PRDM15: variants seen among roughly 807,000 people sequenced by gnomAD.
PRDM15 encodes PR domain zinc finger protein 15.
A neutral mutation model predicts 128.6 loss-of-function variants in PRDM15; 64 were observed. The ratio of observed to expected loss-of-function variants is 0.50; its 90% CI spans 0.41 to 0.61. The LOEUF (loss-of-function observed/expected upper bound fraction) is 0.61. Among genes scored for constraint, PRDM15 ranks in the 20% least tolerant of loss-of-function variants. The pLI is 0.00. For synonymous variants in PRDM15, 615 were observed against 621.8 expected, an observed-to-expected ratio of 0.99 and a Z score of 0.16; for missense variants, 1,242 against 1,569.1, an observed-to-expected ratio of 0.79 and a Z score of 3.52.
rs767338267 is a variant in PRDM15 at position 41,825,945 on chromosome 21, G to A, written c.1629+15C>T. 1 of 1,591,588 alleles carries A rather than the reference G, an allele frequency of 6.3e-7. No individual in the cohort carries two copies. The highest frequency in any genetic ancestry group is 8.6e-7 in the Non-Finnish European group (1 of 1,159,576). ...GCTTTCCATCTCAGCGTCCGACGTG[G>A]ACTGCGAGCATTACCTTGCCACACA... On this transcript the variant is annotated intron_variant, in intron 13 of 23. Coordinates refer to ENST00000398548, the MANE Select transcript of PRDM15 (RefSeq NM_001040424.3).
intron 1 of PRDM15, among the ~76,000 whole-genome samples, chr21:41,864,626 C>G (rs891269678): frequency 6.6e-6 from 1 of 151,972 alleles, no homozygotes; most frequent in Admixed American, 6.6e-5. Context: ...TACCTGCAGC[C>G]CCCCTTACTA....
intron 10 of PRDM15, among the ~76,000 whole-genome samples, chr21:41,835,751 C>A (rs189495658): frequency 1.2e-4 from 18 of 151,800 alleles, no homozygotes; most frequent in African/African-American, 4.1e-4. Context: ...ACCAAACACC[C>A]CCATTCTCCT....
At chr21:41,839,931 A>G (rs1278873941) in intron 6 of PRDM15, 78 bp from the exon 7 acceptor site, 5 of 1,196,612 alleles carry the variant, frequency 4.2e-6, no homozygotes, top group Admixed American at 4.0e-5. Flanking sequence ...TCTGGTTCCT[A>G]TGTGTGTGTG....
At chr21:41,816,090 C>T (rs544823590) in intron 18 of PRDM15, among the ~76,000 whole-genome samples, 68 of 152,368 alleles carry the variant, frequency 4.5e-4, no homozygotes, top group African/African-American at 1.5e-3. Context: ...CCTGACCACG[C>T]GAGCAACGCC....
Position 41,802,861 on chromosome 21 carries a change from G to A in PRDM15, c.2794C>T (p.Arg932Ter), listed in dbSNP as rs2061453289. Residue 932 changes from arginine (R) to a stop codon, truncating the protein, a stop_gained, in exon 23 of 24, where the codon CGA (arginine) becomes TGA (stop). Coordinates refer to ENST00000398548, the MANE Select transcript of PRDM15 (RefSeq NM_001040424.3). LOFTEE classifies it high-confidence loss of function. The stretch of plus-strand genomic sequence containing the variant: ...GGCTTCTGCTTTCTCTTGTGACTTC[G>A]CTTGGCAGCTTTCCCGTGCTTCCCT... ...AEGKHGKAAK[R>*]SHKRKQKPEE... The A allele has an allele frequency of 2.5e-6, 4 of 1,614,106 alleles. No individual in the cohort carries two copies. The highest frequency in any genetic ancestry group is 3.4e-6 in the Non-Finnish European group (4 of 1,180,022).
At chr21:41,855,612 G>A (rs116117533) in intron 4 of PRDM15, among the ~76,000 whole-genome samples, 1,781 of 152,246 alleles carry the variant, frequency 0.012, 43 homozygotes, top group African/African-American at 0.04. Flanking sequence ...CCCAGCTGGC[G>A]GCACGCTCTC....
At chr21:41,861,729 TCA>T (rs754137566) in intron 1 of PRDM15, 11 of 1,614,086 alleles carry the variant, frequency 6.8e-6, no homozygotes, top group South Asian at 5.5e-5. Flanking sequence ...ATATGGAAAC[TCA>T]CAGTCACTGA....
chr21:41,820,779 G>C (rs1027381525), intron 16 of PRDM15, among the ~76,000 whole-genome samples: 1 of 152,206 alleles, frequency 6.6e-6, no homozygotes, highest in African/African-American at 2.4e-5. Flanking sequence ...ATTGTTGCAG[G>C]AAAAAGCATT....
At chr21:41,869,901 G>A (rs2064151765) in intron 1 of PRDM15, among the ~76,000 whole-genome samples, 2 of 152,234 alleles carry the variant, frequency 1.3e-5, no homozygotes, top group South Asian at 4.1e-4. Context: ...CTCTGTCAAA[G>A]CCGGATGCCC....
chr21:41,834,895 G>A (rs1335962687), intron 11 of PRDM15, among the ~76,000 whole-genome samples: 2 of 152,208 alleles, frequency 1.3e-5, no homozygotes, highest in African/African-American at 4.8e-5. Context: ...CCGGCTTCAG[G>A]CCTCACACAA....
chr21:41,834,480 G>A (rs2146552065), intron 11 of PRDM15: 3 of 1,546,688 alleles, frequency 1.9e-6, no homozygotes, highest in African/African-American at 1.4e-5. Context: ...GGCGGACAAG[G>A]ACGGGGTGGG....
At chr21:41,833,946 C>T (rs886442290) in intron 11 of PRDM15, among the ~76,000 whole-genome samples, 3 of 152,170 alleles carry the variant, frequency 2.0e-5, no homozygotes, top group African/African-American at 7.2e-5. Flanking sequence ...TGCAGGACTG[C>T]GGGGACCCCA....
chr21:41,859,675 G>A lies in PRDM15; in HGVS notation c.48C>T (p.Asp16=). ...ATTCGGAGTCGTGGTACTGGCTGCA[G>A]TCTTCACACCCTGCAAGCAGACATC... The part of the protein sequence containing the change: ...SEEIMFIWCE[D]CSQYHDSECP... The change falls in exon 3 of 24, where the codon GAC becomes GAT. Residue 16 remains aspartate (D), a synonymous_variant. Transcript: ENST00000398548. This position sits in a 1 kb window ranked among gnomAD's most constrained non-coding sequence, Gnocchi z 5.3. 6.2e-7 allele frequency: 1 copy of A among 1,613,822 alleles called. No individual in the cohort carries two copies. Among genetic ancestry groups the A allele is most frequent in the Non-Finnish European group, 8.5e-7 (1 of 1,179,896 alleles).
chr21:41,860,262 C>G, intron 2 of PRDM15, 65 bp downstream of exon 2: 2 of 1,291,262 alleles, frequency 1.5e-6, no homozygotes, highest in Non-Finnish European at 2.2e-6. Context: ...GCAAGCGCCA[C>G]GCCCATCTGT....
At chr21:41,867,878 A>C (rs1303074354) in intron 1 of PRDM15, among the ~76,000 whole-genome samples, 1 of 152,068 alleles carries the variant, frequency 6.6e-6, no homozygotes, top group Non-Finnish European at 1.5e-5. Context: ...CCAACATGGC[A>C]AAACCCCATC....
intron 5 of PRDM15, among the ~76,000 whole-genome samples, chr21:41,852,909 C>T (rs147750417): frequency 9.9e-5 from 15 of 152,280 alleles, no homozygotes; most frequent in East Asian, 5.8e-4. Context: ...AATCCAATGA[C>T]GGGTGGTCTT....
intron 18 of PRDM15, 21 bp downstream of exon 18, chr21:41,819,561 G>A: frequency 6.3e-7 from 1 of 1,596,610 alleles, no homozygotes; most frequent in Non-Finnish European, 8.5e-7. Flanking sequence ...CCTGGCCCAT[G>A]TCCCCAGCAC....
chr21:41,856,735 C>A lies in PRDM15; in HGVS notation c.285+441G>T, dbSNP rs375156195. Among the ~76,000 whole-genome samples the A allele has an allele frequency of 7.9e-5, 12 of 152,344 alleles. 2 individuals carry two copies. The highest frequency in any genetic ancestry group is 2.0e-4 in the Admixed American group (3 of 15,308). On this transcript the variant is annotated intron_variant, in intron 4 of 23. Coordinates refer to ENST00000398548, the MANE Select transcript of PRDM15 (RefSeq NM_001040424.3). ...TGTGCTTTTTAGAACGGCCAAACTT[C>A]ACACTATTGCCCAATGTCTCATCAC...
In PRDM15 at chr21:41,879,136, C is replaced by A; in HGVS notation, c.-10+134G>T. 2.0e-6 allele frequency: 2 copies of A among 1,006,154 alleles called. No individual in the cohort carries two copies. Among genetic ancestry groups the A allele is most frequent in the Non-Finnish European group, 2.4e-6 (2 of 832,604 alleles). 62.3% of individuals were successfully genotyped at this position (1,006,154 alleles called of 1,614,324 possible). A position where few individuals can be genotyped will look rare whatever the true frequency, so the allele number is the denominator to read the frequency against. ...GCATGGCGGCTGGACCGGGGCGGCGCGCGGCTGCCGGGCGCGGGGGGCGGG... is the reference window on the plus strand; with the variant it reads ...GCATGGCGGCTGGACCGGGGCGGCGAGCGGCTGCCGGGCGCGGGGGGCGGG... On this transcript the variant is annotated intron_variant, in intron 1 of 23. Transcript: ENST00000398548. The surrounding 1 kb of genome is among the most constrained non-coding windows in gnomAD (Gnocchi z 5.1).
Sources: gnomAD v4.1 joint callset for allele counts (sites outside exome capture counted in the v4.1 genomes callset) on GRCh38, gnomAD v4.1.1 for gene constraint, Gnocchi (gnomAD v3.1) non-coding constraint, MANE v1.5 for transcripts, NCBI Gene and HGNC (gene_info 2026-07-23, HGNC 2026-07-21) for gene names.